Variants in CCDC18 observed in about 807,000 individuals in gnomAD.
CCDC18 encodes the protein coiled-coil domain-containing protein 18.
Under a neutral mutation model 196.0 loss-of-function variants are expected in CCDC18, and 157 were observed. The observed-to-expected ratio is 0.80, with a 90% CI of 0.70 to 0.91. CCDC18 has a LOEUF of 0.91. Ranked by LOEUF, CCDC18 falls within the 40% of genes least tolerant of loss-of-function variation. The pLI is 0.00. For missense variants in CCDC18, 1,465 were observed against 1,611.6 expected (o/e 0.91, Z 1.56); for synonymous variants, 482 against 529.2 (o/e 0.91, Z 1.22).
intron 8 of CCDC18, among the ~76,000 whole-genome samples, chr1:93,206,469 T>C (rs1654717418): frequency 1.3e-5 from 2 of 152,126 alleles, no homozygotes; most frequent in South Asian, 4.1e-4. Context: ...TATTTTCATA[T>C]TTTTCAAAAA....
chr1:93,204,540 A>G (rs1391969437), intron 7 of CCDC18, among the ~76,000 whole-genome samples: 1 of 152,148 alleles, frequency 6.6e-6, no homozygotes, highest in Non-Finnish European at 1.5e-5. Context: ...GGAAGCAAGG[A>G]AAACAAGAGT....
intron 19 of CCDC18, 58 bp from the exon 20 acceptor site, chr1:93,239,245 TAGTCAGA>T: frequency 8.3e-7 from 1 of 1,201,876 alleles, no homozygotes; most frequent in Admixed American, 2.5e-5. Context: ...GCTTTTTTTT[TAGTCAGA>T]GACAAGTTAG....
At chr1:93,180,542 C>G (rs779351885), upstream of CCDC18, 3 of 1,498,678 alleles carry the variant, frequency 2.0e-6, no homozygotes, top group Middle Eastern at 1.8e-4. Context: ...TGGCTTCCCC[C>G]ACCAATGGGC....
At chr1:93,271,132 TGA>T (rs1412841839) in intron 28 of CCDC18, 2 of 984,560 alleles carry the variant, frequency 2.0e-6, no homozygotes. Flanking sequence ...AAATATGCAG[TGA>T]GAGGAATCCA....
chr1:93,236,648 C>T (rs1660106446), intron 19 of CCDC18, among the ~76,000 whole-genome samples: 1 of 152,164 alleles, frequency 6.6e-6, no homozygotes, highest in South Asian at 2.1e-4. Context: ...GGGTCTTACA[C>T]AACAACTGGC....
At chr1:93,228,746 C>G (rs184131773) in intron 17 of CCDC18, among the ~76,000 whole-genome samples, 251 of 151,146 alleles carry the variant, frequency 1.7e-3, no homozygotes, top group African/African-American at 5.9e-3. Flanking sequence ...ATTTATTCTA[C>G]TGCCCATACC....
intron 9 of CCDC18, among the ~76,000 whole-genome samples, chr1:93,208,669 ATTT>A (rs1226430583): frequency 6.7e-6 from 1 of 149,060 alleles, no homozygotes; most frequent in South Asian, 2.1e-4. Flanking sequence ...AGAACTTAAA[ATTT>A]TTTTTCTTTT....
At chr1:93,183,024 G>A (rs1649995560) in intron 1 of CCDC18, among the ~76,000 whole-genome samples, 1 of 152,086 alleles carries the variant, frequency 6.6e-6, no homozygotes, top group Non-Finnish European at 1.5e-5. Flanking sequence ...CTTTGAGCAA[G>A]TTATTTAATG....
chr1:93,270,280 T>A, intron 27 of CCDC18, 67 bp from the exon 28 acceptor site: 6 of 859,018 alleles, frequency 7.0e-6, no homozygotes, highest in Non-Finnish European at 9.0e-6. Context: ...AGTCTATGAT[T>A]TTCTAAGGAG....
intron 26 of CCDC18, 35 bp from the exon 27 acceptor site, chr1:93,264,666 T>A (rs374068345): frequency 5.8e-4 from 764 of 1,312,374 alleles, no homozygotes; most frequent in African/African-American, 1.5e-3. Context: ...TCCATTTTTT[T>A]ATTTTTTTTC....
intron 25 of CCDC18, among the ~76,000 whole-genome samples, chr1:93,258,226 GACTT>G (rs1444001953): frequency 7.9e-5 from 12 of 151,866 alleles, no homozygotes; most frequent in South Asian, 6.2e-4. Context: ...AAATGTTCAT[GACTT>G]ACTTATTAAG....
rs1437020145 is a variant in CCDC18, at chr1:93,252,155, C to T, written c.3199-2316C>T. Among the ~76,000 whole-genome samples the T allele has an allele frequency of 3.3e-5, 5 of 152,026 alleles. No homozygotes were observed. The South Asian group carries it at 6.2e-4, about 19-fold the overall frequency. The stretch of plus-strand genomic sequence containing the variant: ...TGGGCTCAAAGAATCCTCCCACTTC[C>T]GCATTGTGAGTAGCTGGGATTACAG... On this transcript the variant is annotated intron_variant, in intron 23 of 28. Coordinates refer to ENST00000690025, the MANE Select transcript of CCDC18 (RefSeq NM_001378204.1).
At chr1:93,246,441 C>A (rs658178) in intron 22 of CCDC18, among the ~76,000 whole-genome samples, 1 of 151,894 alleles carries the variant, frequency 6.6e-6, no homozygotes, top group Admixed American at 6.6e-5. Flanking sequence ...TCTTATATTA[C>A]CCCGTATCAG....
At chr1:93,196,844 A>G (rs559748394) in intron 6 of CCDC18, among the ~76,000 whole-genome samples, 1 of 152,336 alleles carries the variant, frequency 6.6e-6, no homozygotes, top group South Asian at 2.1e-4. Flanking sequence ...TATCTTCTGC[A>G]ACCACAGTTC....
intron 16 of CCDC18, among the ~76,000 whole-genome samples, chr1:93,224,259 T>A (rs1316603185): frequency 6.6e-6 from 1 of 152,120 alleles, no homozygotes; most frequent in South Asian, 2.1e-4. Flanking sequence ...ACCTCCCTTT[T>A]GCCAAACCGC....
At chr1:93,230,763 T>G (rs1227296194) in intron 17 of CCDC18, among the ~76,000 whole-genome samples, 4 of 152,122 alleles carry the variant, frequency 2.6e-5, no homozygotes, top group African/African-American at 9.7e-5. Context: ...TTTCTCTGAA[T>G]AGGTAAGTAT....
chr1:93,259,175 C>T (rs1344526912), intron 26 of CCDC18, among the ~76,000 whole-genome samples: 4 of 152,036 alleles, frequency 2.6e-5, no homozygotes, highest in African/African-American at 4.8e-5. Context: ...TAGTATCTAC[C>T]TCATAGAACT....
At chr1:93,180,522 C>G (rs145695340), upstream of CCDC18, 2 of 1,528,354 alleles carry the variant, frequency 1.3e-6, no homozygotes, top group East Asian at 2.7e-5. Context: ...CTGACGGCCT[C>G]CGGTTCCCAT....
chr1:93,194,463 T>C (rs942346651), intron 6 of CCDC18, among the ~76,000 whole-genome samples: 2 of 152,182 alleles, frequency 1.3e-5, no homozygotes, highest in African/African-American at 4.8e-5. Context: ...TAGTAGAAAA[T>C]GCGTAGGTTT....
Sources: gnomAD v4.1 joint callset for allele counts (sites outside exome capture counted in the v4.1 genomes callset) on GRCh38, gnomAD v4.1.1 for gene constraint, MANE v1.5 for transcripts, NCBI Gene and HGNC (gene_info 2026-07-23, HGNC 2026-07-21) for gene names.